FMNL3: variants seen among roughly 807,000 people sequenced by gnomAD.
The protein encoded by FMNL3 is formin-like protein 3.
Under a neutral mutation model 119.6 loss-of-function variants are expected in FMNL3, and 57 were observed. The ratio of observed to expected loss-of-function variants is 0.48; its 90% CI spans 0.39 to 0.59. The LOEUF is 0.59. FMNL3 is among the 20% of genes least tolerant of loss of function. The pLI, the probability that FMNL3 is intolerant of heterozygous loss-of-function variation, is 0.00. For missense variants in FMNL3, 1,053 were observed against 1,323.5 expected (o/e 0.80, Z 3.17); for synonymous variants, 491 against 507.3 (o/e 0.97, Z 0.43).
chr12:49,704,268 G>A (rs895729833), intron 1 of FMNL3, among the ~76,000 whole-genome samples: 1 of 152,120 alleles, frequency 6.6e-6, no homozygotes, highest in East Asian at 1.9e-4. Flanking sequence ...AAGTCCATAA[G>A]CTTAACCAGG....
At chr12:49,677,291 A>G (rs1298422592) in intron 1 of FMNL3, among the ~76,000 whole-genome samples, 1 of 152,216 alleles carries the variant, frequency 6.6e-6, no homozygotes, top group Admixed American at 6.5e-5. Context: ...ATATATGTTT[A>G]TCATAAATCT....
At chr12:49,672,078 C>T (rs1944060131) in intron 1 of FMNL3, among the ~76,000 whole-genome samples, 1 of 152,216 alleles carries the variant, frequency 6.6e-6, no homozygotes, top group Non-Finnish European at 1.5e-5. Flanking sequence ...GTCCCCCTCA[C>T]CGCCTGCTTC....
intron 1 of FMNL3, 86 bp from the exon 2 acceptor site, chr12:49,668,640 CT>C (rs1943956273): frequency 1.6e-6 from 2 of 1,225,374 alleles, no homozygotes; most frequent in Non-Finnish European, 1.2e-6. Context: ...CTTTCTGCTA[CT>C]GGGCCCTCAG....
chr12:49,706,946 G>A, intron 1 of FMNL3, 109 bp downstream of exon 1: 2 of 1,285,296 alleles, frequency 1.6e-6, no homozygotes, highest in Non-Finnish European at 2.1e-6. Flanking sequence ...ATCCGTTCGG[G>A]ACCCCGACTG....
chr12:49,687,782 G>A (rs1286997204), intron 1 of FMNL3, among the ~76,000 whole-genome samples: 1 of 152,130 alleles, frequency 6.6e-6, no homozygotes, highest in Admixed American at 6.5e-5. Flanking sequence ...CATCCTAGTG[G>A]GGCTACATGA....
intron 1 of FMNL3, among the ~76,000 whole-genome samples, chr12:49,689,409 C>T (rs1315800049): frequency 6.6e-6 from 1 of 152,142 alleles, no homozygotes; most frequent in Non-Finnish European, 1.5e-5. Context: ...CTGTTGAAAC[C>T]CTGGGCAGGA....
rs1465527164 is a variant in FMNL3, at chr12:49,643,896, A to G, written c.*1919T>C. ...AGAGTGAGACAGACCCTGAGGAGAA[A>G]GCTGGCAAGGAGAGCGATGAGAAAG... On this transcript the variant is annotated 3_prime_UTR_variant, in exon 26 of 26. Transcript: ENST00000335154. The G allele has an allele frequency of 6.2e-7, 1 of 1,614,212 alleles. No individual in the cohort carries two copies. Among genetic ancestry groups the G allele is most frequent in the Admixed American group, 1.7e-5 (1 of 60,032 alleles).
At chr12:49,680,370 C>G (rs1944304890) in intron 1 of FMNL3, among the ~76,000 whole-genome samples, 3 of 152,230 alleles carry the variant, frequency 2.0e-5, no homozygotes, top group Non-Finnish European at 4.4e-5. Context: ...GTTGTATCAG[C>G]TAGGGAGAGG....
chr12:49,646,681 T>C (rs1366876252), intron 25 of FMNL3: 6 of 1,536,518 alleles, frequency 3.9e-6, no homozygotes, highest in Non-Finnish European at 3.5e-6. Context: ...TGACTCATCA[T>C]GGTGGGCTGC....
Position 49,646,996 on chromosome 12 carries a change from C to A in FMNL3, c.2885G>T (p.Arg962Leu). 1 of 1,612,596 alleles carries A rather than the reference C, an allele frequency of 6.2e-7. No individual in the cohort carries two copies. Among genetic ancestry groups the A allele is most frequent in the Non-Finnish European group, 8.5e-7 (1 of 1,179,908 alleles). ...KKLDAKTPSQ[R>L]NKWQQQELIA... is the part of the protein sequence containing the mutation. ...TAACTCCTGCTGTTGCCACTTGTTC[C>A]GCTGGGATGGGGTCTAGGGCCAAGA... The change falls in exon 25 of 26, where the codon CGG (arginine) becomes CTG (leucine). Residue 962 changes from arginine to leucine, a missense_variant. Physicochemically the swap from Arg to Leu is moderately radical, Grantham distance 102. Around this residue, in one of 4 missense-constraint regions of FMNL3, gnomAD observed 324 missense variants for 380.9 expected, o/e 0.85. Transcript: ENST00000335154.
rs914867773 is a variant in FMNL3, at chr12:49,643,116, T to C, written c.*2699A>G. The C allele has an allele frequency of 2.5e-6, 4 of 1,586,428 alleles. No homozygotes were observed. On this transcript the variant is annotated 3_prime_UTR_variant, in exon 26 of 26. Coordinates refer to ENST00000335154, the MANE Select transcript of FMNL3 (RefSeq NM_175736.5). Reference sequence around the variant, plus strand: ...ACAATATCTCCCTTGGAGGGAAGTTTGAGGATTCCTTTGGCCCTGGGTCCT... The same window carrying C: ...ACAATATCTCCCTTGGAGGGAAGTTCGAGGATTCCTTTGGCCCTGGGTCCT...
In FMNL3 at chr12:49,654,255, G is replaced by A; in HGVS notation, c.1008C>T (p.Asp336=). The part of the protein sequence containing the change: ...FINIVVHSVE[D]MNFRVHLQYE... ...ACTGCAGGTGGACCCGGAAGTTCAT[G>A]TCCTCCACCGAGTGCACCACGATGT... Residue 336 remains aspartate, a synonymous_variant, in exon 11 of 26, where the codon GAC becomes GAT. Coordinates refer to ENST00000335154, the MANE Select transcript of FMNL3 (RefSeq NM_175736.5). The A allele has an allele frequency of 2.5e-6, 4 of 1,614,124 alleles. No individual in the cohort carries two copies. Among genetic ancestry groups the A allele is most frequent in the Middle Eastern group, 3.3e-4 (2 of 6,062 alleles).
At chr12:49,665,742 G>C in intron 4 of FMNL3, 90 bp downstream of exon 4, 1 of 1,352,542 alleles carries the variant, frequency 7.4e-7, no homozygotes, top group Non-Finnish European at 1.1e-6. Flanking sequence ...AAGATGAACA[G>C]GAACACCATC....
chr12:49,699,092 T>C (rs896222865), intron 1 of FMNL3, among the ~76,000 whole-genome samples: 2 of 152,160 alleles, frequency 1.3e-5, no homozygotes, highest in Admixed American at 6.5e-5. Flanking sequence ...ATTGCTCAGC[T>C]CAGACGTGGG....
chr12:49,658,681 A>G (rs1363338720), intron 5 of FMNL3, 87 bp from the exon 6 acceptor site: 25 of 1,404,492 alleles, frequency 1.8e-5, no homozygotes, highest in Admixed American at 1.3e-4. Flanking sequence ...GCCCACCCCC[A>G]CCCTTCAGGC....
Position 49,636,771 on chromosome 12 carries a change from G to A in FMNL3, c.*9044C>T, listed in dbSNP as rs1941866837. 6.2e-7 allele frequency: 1 copy of A among 1,614,254 alleles called. No homozygotes were observed. The highest frequency in any genetic ancestry group is 1.1e-5 in the South Asian group (1 of 91,088). On this transcript the variant is annotated 3_prime_UTR_variant, in exon 26 of 26. Transcript: ENST00000335154. Reference sequence around the variant, plus strand: ...TTGAGGAGCACATCCGAGCTTTGGAGAGGGAAGAGGAGGAGGAACGGGAGC... The same window carrying A: ...TTGAGGAGCACATCCGAGCTTTGGAAAGGGAAGAGGAGGAGGAACGGGAGC...
intron 1 of FMNL3, among the ~76,000 whole-genome samples, chr12:49,683,173 G>A (rs1944379016): frequency 6.6e-6 from 1 of 152,168 alleles, no homozygotes; most frequent in African/African-American, 2.4e-5. Context: ...GAAGGGCTGT[G>A]CTGTGAGACT....
At chr12:49,676,531 T>G (rs913252961) in intron 1 of FMNL3, among the ~76,000 whole-genome samples, 1 of 149,818 alleles carries the variant, frequency 6.7e-6, no homozygotes, top group Non-Finnish European at 1.5e-5. Flanking sequence ...TTTTTTTTTT[T>G]TTTTTTTTTT....
chr12:49,647,761 T>G lies in FMNL3; in HGVS notation c.2720A>C (p.Lys907Thr), dbSNP rs1201024427. 6.2e-7 allele frequency: 1 copy of G among 1,613,694 alleles called. No individual in the cohort carries two copies. Among genetic ancestry groups the G allele is most frequent in the East Asian group, 2.2e-5 (1 of 44,866 alleles). The change falls in exon 23 of 26, where the codon AAG (lysine) becomes ACG (threonine). Residue 907 changes from lysine (K) to threonine (T), a missense_variant. Physicochemically the swap from Lys to Thr is moderately conservative, Grantham distance 78. Transcript: ENST00000335154. This position sits in a 1 kb window ranked among gnomAD's most constrained non-coding sequence, Gnocchi z 4.9. ...GAAGAATACAGAAGGAGGTGTAGTC[T>G]TGGGACTCTCGCCAAAGTAGCGCAC... ...AVVRYFGESP[K>T]TTPPSVFFPV...
Sources: allele counts gnomAD v4.1 joint callset (sites outside exome capture counted in the v4.1 genomes callset), GRCh38; gene constraint gnomAD v4.1.1; regional missense constraint gnomAD v4.1.1; non-coding constraint Gnocchi (gnomAD v3.1); transcripts MANE v1.5; gene names NCBI Gene and HGNC (gene_info 2026-07-23, HGNC 2026-07-21).